The following SCAPER variants were observed in gnomAD, a reference collection of about 807,000 sequenced individuals.
SCAPER encodes the protein S phase cyclin A-associated protein in the endoplasmic reticulum.
In SCAPER, 98 loss-of-function variants were observed where a neutral mutation model predicts 182.2. That is an observed-to-expected ratio of 0.54 (90% CI 0.46 to 0.64). SCAPER has a LOEUF of 0.64. SCAPER is among the 30% of genes least tolerant of loss of function. The pLI is 0.00. For synonymous variants in SCAPER, 605 were observed against 564.6 expected (o/e 1.07, Z -1.01); for missense variants, 1,432 against 1,690.0 (o/e 0.85, Z 2.68).
rs1225009824 is a variant in SCAPER, at chr15:76,440,907, G to GTTTTTTTTTTTTTTTTTTTTTTTTTTTTT, written c.3079-6598_3079-6597insAAAAAAAAAAAAAAAAAAAAAAAAAAAAA. Among the ~76,000 whole-genome samples the GTTTTTTTTTTTTTTTTTTTTTTTTTTTTT allele has an allele frequency of 2.4e-5, 2 of 82,818 alleles. 1 individual carries two copies. The allele number at this position is 82,818 out of a possible 152,430, so 54.3% of individuals were successfully genotyped here. ...ATCTTTTAAAATTATTCCCCTTCTGGTTTTTTTTTTGTTTTTTTTTTTTTT... is the reference window on the plus strand; with the variant it reads ...ATCTTTTAAAATTATTCCCCTTCTGGTTTTTTTTTTTTTTTTTTTTTTTTTTTTTTTTTTTTTTTGTTTTTTTTTTTTTT... On this transcript the variant is annotated intron_variant, in intron 25 of 31. Coordinates refer to ENST00000563290, the MANE Select transcript of SCAPER (RefSeq NM_020843.4).
intron 16 of SCAPER, among the ~76,000 whole-genome samples, chr15:76,731,433 T>G (rs886921339): frequency 6.6e-6 from 1 of 152,196 alleles, no homozygotes; most frequent in Non-Finnish European, 1.5e-5. Context: ...TGAGAATATA[T>G]GATGGCAGCA....
intron 4 of SCAPER, among the ~76,000 whole-genome samples, chr15:76,854,319 C>G (rs1237936868): frequency 6.6e-6 from 1 of 151,802 alleles, no homozygotes; most frequent in African/African-American, 2.4e-5. Context: ...CAACAACAGC[C>G]AAGCCGAGAG....
intron 8 of SCAPER, among the ~76,000 whole-genome samples, chr15:76,792,034 C>CAA (rs529260582): frequency 1.1e-5 from 1 of 95,008 alleles, no homozygotes. Flanking sequence ...TCTTGCCAGA[C>CAA]AAAAAAAAAA....
intron 23 of SCAPER, among the ~76,000 whole-genome samples, chr15:76,561,179 T>C (rs1170552473): frequency 6.6e-6 from 1 of 152,220 alleles, no homozygotes; most frequent in African/African-American, 2.4e-5. Context: ...ATCAGGCTGC[T>C]ATAAGCAGAA....
At chr15:76,661,980 A>G (rs1164275683) in intron 21 of SCAPER, among the ~76,000 whole-genome samples, 1 of 152,196 alleles carries the variant, frequency 6.6e-6, no homozygotes, top group Middle Eastern at 3.2e-3. Context: ...GTACATATAC[A>G]CCATGGAATA....
rs114525341 is a variant in SCAPER, at chr15:76,834,598, C to A, written c.393+7136G>T. ...CAACATTGAGACATGAAAATCCATTCAAAATATCAATGAAGAAAAGTTGGT... is the reference window on the plus strand; with the variant it reads ...CAACATTGAGACATGAAAATCCATTAAAAATATCAATGAAGAAAAGTTGGT... On this transcript the variant is annotated intron_variant, in intron 5 of 31. Coordinates refer to ENST00000563290, the MANE Select transcript of SCAPER (RefSeq NM_020843.4). 8.0e-3 allele frequency among the ~76,000 whole-genome samples: 1,221 copies of A among 151,832 alleles called. 13 individuals are homozygous for A. The highest frequency in any genetic ancestry group is 0.028 in the African/African-American group (1,157 of 41,402).
At chr15:76,652,371 C>CACACACACACATATATATATATAT (rs764864981) in intron 21 of SCAPER, among the ~76,000 whole-genome samples, 1 of 8,060 alleles carries the variant, frequency 1.2e-4, no homozygotes, top group Non-Finnish European at 2.1e-4. Flanking sequence ...CACACACACA[C>CACACACACACATATATATATATAT]ATATATATAT....
chr15:76,514,929 T>G (rs1305456687), intron 23 of SCAPER, among the ~76,000 whole-genome samples: 1 of 152,216 alleles, frequency 6.6e-6, no homozygotes, highest in Non-Finnish European at 1.5e-5. Context: ...ACAAGCTTCC[T>G]AACTGCTGGC....
At chr15:76,585,263 T>C (rs992947822) in intron 22 of SCAPER, among the ~76,000 whole-genome samples, 6 of 152,142 alleles carry the variant, frequency 3.9e-5, no homozygotes, top group Admixed American at 3.3e-4. Context: ...CAATAAATGG[T>C]CGACTATTAT....
chr15:76,464,458 G>A (rs1004960483), intron 25 of SCAPER, among the ~76,000 whole-genome samples: 5 of 151,978 alleles, frequency 3.3e-5, no homozygotes, highest in African/African-American at 1.2e-4. Flanking sequence ...AAGTCCTGCA[G>A]TCAGCTCTGT....
intron 4 of SCAPER, among the ~76,000 whole-genome samples, chr15:76,843,442 GA>G (rs1316403815): frequency 3.9e-5 from 6 of 152,150 alleles, no homozygotes; most frequent in Non-Finnish European, 7.4e-5. Context: ...AAAGTTAAAA[GA>G]ATGACAGAAC....
intron 24 of SCAPER, among the ~76,000 whole-genome samples, chr15:76,501,134 T>C (rs1431518213): frequency 1.3e-5 from 2 of 152,076 alleles, no homozygotes; most frequent in Non-Finnish European, 2.9e-5. Context: ...TTCTTGGCAC[T>C]GAAAACAATT....
At chr15:76,758,587 A>G (rs959240535) in intron 14 of SCAPER, among the ~76,000 whole-genome samples, 4 of 152,168 alleles carry the variant, frequency 2.6e-5, no homozygotes, top group Admixed American at 2.0e-4. Flanking sequence ...GGAGCTCCAT[A>G]TGAATTTTAG....
intron 8 of SCAPER, among the ~76,000 whole-genome samples, chr15:76,787,865 A>C (rs1231274078): frequency 1.3e-5 from 2 of 152,182 alleles, no homozygotes; most frequent in Non-Finnish European, 2.9e-5. Context: ...AATCAATCAT[A>C]CTTCATCAAA....
rs1164299553 is a variant in SCAPER, at chr15:76,505,045, G to A, written c.2839-71C>T. The stretch of plus-strand genomic sequence containing the variant: ...AAACTATAACCAAATGATATCTGTA[G>A]TCTGAAACATACTGATGGTTCAACT... On this transcript the variant is annotated intron_variant, in intron 23 of 31. Coordinates refer to ENST00000563290, the MANE Select transcript of SCAPER (RefSeq NM_020843.4). 8.8e-6 allele frequency: 9 copies of A among 1,019,596 alleles called. No individual in the cohort carries two copies. In the Admixed American group the frequency reaches 1.4e-4, roughly 16 times the overall value. 63.2% of individuals were successfully genotyped at this position (1,019,596 alleles called of 1,614,324 possible).
chr15:76,654,356 C>T (rs1215181691), intron 21 of SCAPER, among the ~76,000 whole-genome samples: 21 of 151,748 alleles, frequency 1.4e-4, no homozygotes, highest in Admixed American at 9.2e-4. Context: ...TGCAGTGAGC[C>T]GAGATCACAC....
chr15:76,707,544 T>A (rs898041496), intron 17 of SCAPER, among the ~76,000 whole-genome samples: 5 of 152,142 alleles, frequency 3.3e-5, no homozygotes, highest in African/African-American at 1.2e-4. Context: ...TTATAATGAA[T>A]CAATACCTCA....
intron 11 of SCAPER, 65 bp downstream of exon 11, chr15:76,766,853 G>T: frequency 1.5e-6 from 2 of 1,354,516 alleles, no homozygotes; most frequent in Non-Finnish European, 2.0e-6. Flanking sequence ...AGTCTTTCTG[G>T]CCCAGATAAT....
intron 27 of SCAPER, among the ~76,000 whole-genome samples, chr15:76,383,561 A>G (rs1043659317): frequency 6.6e-6 from 1 of 152,250 alleles, no homozygotes; most frequent in African/African-American, 2.4e-5. Context: ...GGATCTGCCA[A>G]GTACATTCAT....
Sources: allele counts gnomAD v4.1 joint callset (sites outside exome capture counted in the v4.1 genomes callset), GRCh38; gene constraint gnomAD v4.1.1; transcripts MANE v1.5; gene names NCBI Gene and HGNC (gene_info 2026-07-23, HGNC 2026-07-21).